IQGAP2: variants seen among roughly 807,000 people sequenced by gnomAD.
The protein encoded by IQGAP2 is ras GTPase-activating-like protein IQGAP2.
A neutral mutation model predicts 201.3 loss-of-function variants in IQGAP2; 173 were observed. That is an observed-to-expected ratio of 0.86 (90% CI 0.76 to 0.98). IQGAP2 has a LOEUF of 0.98. Ranked by LOEUF, IQGAP2 falls within the 50% of genes least tolerant of loss-of-function variation. The pLI is 0.00. For synonymous variants in IQGAP2, 675 were observed against 673.9 expected (o/e 1.00, Z -0.03); for missense variants, 1,687 against 1,864.8 (o/e 0.90, Z 1.76).
chr5:76,404,060 C>G (rs1183934063), intron 1 of IQGAP2, among the ~76,000 whole-genome samples: 1 of 152,210 alleles, frequency 6.6e-6, no homozygotes, highest in East Asian at 1.9e-4. Flanking sequence ...TAGTGCAAAG[C>G]CGGCTTGACT....
chr5:76,562,166 C>G (rs1382720408), intron 2 of IQGAP2, among the ~76,000 whole-genome samples: 1 of 152,194 alleles, frequency 6.6e-6, no homozygotes, highest in East Asian at 1.9e-4. Flanking sequence ...TTGACGAGCT[C>G]TGGCATGGGA....
chr5:76,443,984 C>T (rs576985130), intron 1 of IQGAP2, among the ~76,000 whole-genome samples: 109 of 152,274 alleles, frequency 7.2e-4, no homozygotes, highest in South Asian at 4.1e-4. Flanking sequence ...GGCTCAGTTT[C>T]GTCTACCAAA....
intron 12 of IQGAP2, chr5:76,609,207 A>G (rs1561504635): frequency 1.3e-6 from 2 of 1,535,940 alleles, no homozygotes; most frequent in East Asian, 4.9e-5. Flanking sequence ...TGTTAAGACC[A>G]TTTTTGGATG....
chr5:76,632,864 T>C (rs1003217874), intron 15 of IQGAP2, among the ~76,000 whole-genome samples: 2 of 152,080 alleles, frequency 1.3e-5, no homozygotes, highest in African/African-American at 4.8e-5. Context: ...AGTAGTACTC[T>C]ATGTACTTGT....
At chr5:76,614,881 G>C (rs148502934) in intron 13 of IQGAP2, among the ~76,000 whole-genome samples, 2,746 of 152,216 alleles carry the variant, frequency 0.018, 31 homozygotes, top group South Asian at 0.075. Flanking sequence ...TCAGTATAAA[G>C]TAAAACTGTG....
intron 2 of IQGAP2, among the ~76,000 whole-genome samples, chr5:76,480,941 G>T (rs1755749801): frequency 6.7e-6 from 1 of 149,582 alleles, no homozygotes; most frequent in African/African-American, 2.6e-5. Flanking sequence ...CATACCAGCT[G>T]GTTATCTGTT....
intron 1 of IQGAP2, among the ~76,000 whole-genome samples, chr5:76,406,025 T>A (rs1035669386): frequency 6.6e-6 from 1 of 152,228 alleles, no homozygotes; most frequent in African/African-American, 2.4e-5. Flanking sequence ...AATTAAGTTG[T>A]CTATTGCTTA....
intron 26 of IQGAP2, 91 bp from the exon 27 acceptor site, chr5:76,674,386 A>G: frequency 1.4e-6 from 1 of 701,486 alleles, no homozygotes; most frequent in Non-Finnish European, 2.4e-6. Flanking sequence ...TGGGAAATGT[A>G]GGAGAATATA....
chr5:76,529,649 A>G (rs550887632), intron 2 of IQGAP2, among the ~76,000 whole-genome samples: 5 of 145,306 alleles, frequency 3.4e-5, no homozygotes, highest in Non-Finnish European at 6.0e-5. Flanking sequence ...AATAATAATA[A>G]TAATAATAAT....
chr5:76,551,527 G>C lies in IQGAP2; in HGVS notation c.147-10869G>C, dbSNP rs1449687638. Among the ~76,000 whole-genome samples the C allele has an allele frequency of 2.6e-5, 4 of 152,204 alleles. No individual in the cohort carries two copies. The East Asian group carries it at 7.8e-4, about 30-fold the overall frequency. On this transcript the variant is annotated intron_variant, in intron 2 of 35. Transcript: ENST00000274364. ...GCGGCTGGGAGGTGGAGGTTGTAGCGAGCCGAGATCACGTCACTGCACTCC... is the reference window on the plus strand; with the variant it reads ...GCGGCTGGGAGGTGGAGGTTGTAGCCAGCCGAGATCACGTCACTGCACTCC...
chr5:76,669,402 T>G (rs1026043349), intron 23 of IQGAP2, among the ~76,000 whole-genome samples: 1 of 152,200 alleles, frequency 6.6e-6, no homozygotes, highest in Non-Finnish European at 1.5e-5. Context: ...CAGGCACCTC[T>G]GCCCACCAGG....
chr5:76,667,816 T>C (rs1580769704), intron 22 of IQGAP2, among the ~76,000 whole-genome samples: 1 of 152,002 alleles, frequency 6.6e-6, no homozygotes, highest in East Asian at 1.9e-4. Flanking sequence ...ATAGTATGCA[T>C]TTCTACTCAT....
At position 76,589,096 on chromosome 5, in the gene IQGAP2, A is replaced by G. The variant is rs528714001; in HGVS notation, c.526+123A>G. 6.1e-3 allele frequency: 3,108 copies of G among 512,874 alleles called. 14 individuals are homozygous for G. Among genetic ancestry groups the G allele is most frequent in the Non-Finnish European group, 8.9e-3 (2,477 of 276,966 alleles). The allele number at this position is 512,874 out of a possible 1,614,324, so 31.8% of individuals were successfully genotyped here. ...TGGGAGGCCGAGGCGGGCGGATCAC[A>G]AGGTCAGGAGATCGAGACCATCCTG... On this transcript the variant is annotated intron_variant, in intron 6 of 35. Transcript: ENST00000274364.
chr5:76,637,119 G>T lies in IQGAP2; in HGVS notation c.1866G>T (p.Trp622Cys), dbSNP rs922375218. ...ACACTGATTCAAAAGAGAGTTCCTGGGTCACACCTGAATCATGCTTGTATA... is the reference window on the plus strand; with the variant it reads ...ACACTGATTCAAAAGAGAGTTCCTGTGTCACACCTGAATCATGCTTGTATA... The part of the protein sequence containing the change: ...YYNTDSKESS[W>C]VTPESCLYKE... The change falls in exon 16 of 36, where the codon TGG (tryptophan) becomes TGT (cysteine). Residue 622 changes from tryptophan (W) to cysteine (C), a missense_variant. Trp to Cys is a radical substitution (Grantham distance 215, BLOSUM62 -2). Transcript: ENST00000274364. 2 of 1,611,420 alleles carry T rather than the reference G, an allele frequency of 1.2e-6. No individual in the cohort carries two copies. The highest frequency in any genetic ancestry group is 1.3e-5 in the African/African-American group (1 of 74,804).
At chr5:76,615,653 T>C (rs1748882306) in intron 13 of IQGAP2, 1 of 152,208 alleles carries the variant, frequency 6.6e-6, no homozygotes, top group Non-Finnish European at 1.5e-5. Context: ...TCTTCCCTGC[T>C]GTCTAATCAC....
Position 76,500,321 on chromosome 5 carries a change from T to C in IQGAP2, c.146+38652T>C, listed in dbSNP as rs1580329620. ...GAGGTAGGGACCTAAGAAACGGAGATGTTCTTCCCATAGCTAGACTGTGTG... is the reference window on the plus strand; with the variant it reads ...GAGGTAGGGACCTAAGAAACGGAGACGTTCTTCCCATAGCTAGACTGTGTG... On this transcript the variant is annotated intron_variant, in intron 2 of 35. Coordinates refer to ENST00000274364, the MANE Select transcript of IQGAP2 (RefSeq NM_006633.5). Among the ~76,000 whole-genome samples, 3 of 152,294 alleles carry C rather than the reference T, an allele frequency of 2.0e-5. No individual in the cohort carries two copies. In the South Asian group the frequency reaches 6.2e-4, roughly 32 times the overall value.
At chr5:76,703,948 G>T (rs777975529) in intron 35 of IQGAP2, among the ~76,000 whole-genome samples, 1 of 152,204 alleles carries the variant, frequency 6.6e-6, no homozygotes, top group Non-Finnish European at 1.5e-5. Flanking sequence ...CATCATGGGA[G>T]TGTGTGCCAG....
chr5:76,634,486 CT>C (rs1432210306), intron 15 of IQGAP2, among the ~76,000 whole-genome samples: 1 of 152,082 alleles, frequency 6.6e-6, no homozygotes, highest in Non-Finnish European at 1.5e-5. Flanking sequence ...TCTCGAACTC[CT>C]GACCTCAAGT....
At chr5:76,684,435 G>A (rs1317640858) in intron 30 of IQGAP2, among the ~76,000 whole-genome samples, 1 of 152,148 alleles carries the variant, frequency 6.6e-6, no homozygotes, top group African/African-American at 2.4e-5. Flanking sequence ...GATTTCAAGT[G>A]AAGCATTCAC....
Sources: gnomAD v4.1 joint callset for allele counts (sites outside exome capture counted in the v4.1 genomes callset) on GRCh38, gnomAD v4.1.1 for gene constraint, MANE v1.5 for transcripts, NCBI Gene and HGNC (gene_info 2026-07-23, HGNC 2026-07-21) for gene names.